Variants in NEK10 observed in about 807,000 individuals in gnomAD.
NEK10 encodes the protein NIMA related kinase 10.
NEK10 carries 122 observed loss-of-function variants against 159.8 expected under a neutral mutation model. The observed-to-expected ratio is 0.76, with a 90% CI of 0.66 to 0.89. The LOEUF is 0.89. Ranked by LOEUF, NEK10 falls within the 40% of genes least tolerant of loss-of-function variation. The pLI is 0.00. For synonymous variants in NEK10, 466 were observed against 457.1 expected, an observed-to-expected ratio of 1.02 and a Z score of -0.25; for missense variants, 1,342 against 1,323.1, an observed-to-expected ratio of 1.01 and a Z score of -0.22.
chr3:27,177,527 A>G (rs2148897700), intron 26 of NEK10, among the ~76,000 whole-genome samples: 1 of 148,484 alleles, frequency 6.7e-6, no homozygotes, highest in Admixed American at 6.7e-5. Context: ...CCTGGGTGAC[A>G]GAGCAAGACT....
At chr3:27,260,540 T>C (rs2149346962) in intron 22 of NEK10, among the ~76,000 whole-genome samples, 1 of 152,352 alleles carries the variant, frequency 6.6e-6, no homozygotes, top group East Asian at 1.9e-4. Context: ...TTGCGTATGT[T>C]GAACCAGCCT....
At chr3:27,234,521 A>C (rs1337911010) in intron 23 of NEK10, among the ~76,000 whole-genome samples, 1 of 152,126 alleles carries the variant, frequency 6.6e-6, no homozygotes, top group African/African-American at 2.4e-5. Context: ...CAACTGCCAC[A>C]AAAAGAATAA....
rs1221057590 is a variant in NEK10, at chr3:27,109,454, A to G, written c.*1818T>C. 1.3e-5 allele frequency among the ~76,000 whole-genome samples: 2 copies of G among 151,718 alleles called. No homozygotes were observed. Among genetic ancestry groups the G allele is most frequent in the African/African-American group, 4.8e-5 (2 of 41,298 alleles). The stretch of plus-strand genomic sequence containing the variant: ...CTGGTCAATAAGGCCAACTATATAC[A>G]CTTTAAAACATCTTCAAGTAAACCA... On this transcript the variant is annotated 3_prime_UTR_variant, in exon 36 of 36. Coordinates refer to ENST00000691995, the MANE Select transcript of NEK10 (RefSeq NM_001394966.1).
chr3:27,226,110 C>A (rs566609343), intron 23 of NEK10, among the ~76,000 whole-genome samples: 4 of 152,018 alleles, frequency 2.6e-5, no homozygotes, highest in African/African-American at 9.7e-5. Flanking sequence ...TGGCTCACTG[C>A]AAGCTCTGCC....
At chr3:27,210,768 C>T (rs1332337341) in intron 23 of NEK10, among the ~76,000 whole-genome samples, 4 of 152,144 alleles carry the variant, frequency 2.6e-5, no homozygotes, top group African/African-American at 7.2e-5. Context: ...ATTATCAAAC[C>T]TTCAGAAGGG....
intron 30 of NEK10, among the ~76,000 whole-genome samples, chr3:27,150,558 C>G (rs1559517813): frequency 6.6e-6 from 1 of 152,162 alleles, no homozygotes; most frequent in Non-Finnish European, 1.5e-5. Context: ...TTTAAGCCAA[C>G]TCTTGAGATC....
At chr3:27,165,014 T>C (rs920413688) in intron 29 of NEK10, among the ~76,000 whole-genome samples, 11 of 152,240 alleles carry the variant, frequency 7.2e-5, no homozygotes, top group Non-Finnish European at 1.2e-4. Context: ...TTCCTTTATA[T>C]AATTTTAAAT....
intron 23 of NEK10, among the ~76,000 whole-genome samples, chr3:27,228,897 T>TA (rs1952923962): frequency 6.6e-6 from 1 of 152,036 alleles, no homozygotes; most frequent in Non-Finnish European, 1.5e-5. Context: ...TTCTCCCTGA[T>TA]AAAAACCTCA....
At chr3:27,280,095 GAAAA>G (rs1203824501) in intron 22 of NEK10, among the ~76,000 whole-genome samples, 14 of 69,466 alleles carry the variant, frequency 2.0e-4, no homozygotes, top group Non-Finnish European at 3.6e-4. Context: ...CCCTAAAATG[GAAAA>G]AAAAAAAAAA....
At chr3:27,169,254 G>C (rs749115208) in intron 29 of NEK10, among the ~76,000 whole-genome samples, 2 of 152,176 alleles carry the variant, frequency 1.3e-5, no homozygotes, top group Non-Finnish European at 2.9e-5. Flanking sequence ...AGTAAGTGAG[G>C]AATGAGGAAT....
chr3:27,143,842 G>A lies in NEK10; in HGVS notation c.2870-2260C>T, dbSNP rs141419026. On this transcript the variant is annotated intron_variant, in intron 30 of 35. Transcript: ENST00000691995. Reference sequence around the variant, plus strand: ...TCTCTATCCATTTACATACATAAATGTACACTTCAAAACAGTGTTTTTCAA... The same window carrying A: ...TCTCTATCCATTTACATACATAAATATACACTTCAAAACAGTGTTTTTCAA... 2.8e-3 allele frequency among the ~76,000 whole-genome samples: 421 copies of A among 152,188 alleles called. 4 individuals carry two copies. Among genetic ancestry groups the A allele is most frequent in the African/African-American group, 9.9e-3 (409 of 41,512 alleles).
At position 27,322,209 on chromosome 3, in the gene NEK10, G is replaced by C. The variant is rs1404580794; in HGVS notation, c.415C>G (p.Leu139Val). The C allele has an allele frequency of 6.4e-7, 1 of 1,567,212 alleles. No individual in the cohort carries two copies. Among genetic ancestry groups the C allele is most frequent in the African/African-American group, 1.4e-5 (1 of 73,880 alleles). Residue 139 changes from leucine (L) to valine (V), a missense_variant, in exon 6 of 36, where the codon CTG (leucine) becomes GTG (valine). By Grantham distance (32) the Leu-to-Val change is conservative. Coordinates refer to ENST00000691995, the MANE Select transcript of NEK10 (RefSeq NM_001394966.1). Reference sequence around the variant, plus strand: ...CATGGATCCCTCATTAGTAGCCTCAGACAGATTAACACTCTCAGAAAATGA... The same window carrying C: ...CATGGATCCCTCATTAGTAGCCTCACACAGATTAACACTCTCAGAAAATGA... The part of the protein sequence containing the change: ...SIHFLRVLIC[L>V]RLLMRDPCYQ...
At chr3:27,336,149 A>G (rs1260464797) in intron 5 of NEK10, among the ~76,000 whole-genome samples, 2 of 152,166 alleles carry the variant, frequency 1.3e-5, no homozygotes, top group Admixed American at 1.3e-4. Context: ...GACCAAAATC[A>G]GAAATGGAAA....
At chr3:27,142,504 C>CT (rs1387650141) in intron 30 of NEK10, among the ~76,000 whole-genome samples, 3 of 150,622 alleles carry the variant, frequency 2.0e-5, no homozygotes, top group Non-Finnish European at 4.4e-5. Context: ...TGCTAATTTC[C>CT]TTTTAAAAAA....
At chr3:27,129,936 A>G (rs1231674017) in intron 32 of NEK10, among the ~76,000 whole-genome samples, 2 of 152,028 alleles carry the variant, frequency 1.3e-5, no homozygotes, top group African/African-American at 4.8e-5. Flanking sequence ...GTGGTAAAGA[A>G]TAGGAAGTGT....
chr3:27,137,447 G>GT (rs1943337401), intron 31 of NEK10, among the ~76,000 whole-genome samples: 1 of 152,152 alleles, frequency 6.6e-6, no homozygotes, highest in East Asian at 1.9e-4. Context: ...CAATTGAATA[G>GT]TTAATAGTTA....
At chr3:27,363,241 G>A (rs1423386949) in intron 1 of NEK10, among the ~76,000 whole-genome samples, 1 of 152,168 alleles carries the variant, frequency 6.6e-6, no homozygotes, top group Non-Finnish European at 1.5e-5. Context: ...CTCCTAGACA[G>A]GGTCACAACC....
chr3:27,310,167 T>G (rs138482567), intron 9 of NEK10: 1 of 152,204 alleles, frequency 6.6e-6, no homozygotes, highest in African/African-American at 2.4e-5. Flanking sequence ...TTCCTCTTTT[T>G]CTTCTCTCTT....
rs1939317909 is a variant in NEK10, at chr3:27,109,557, G to T, written c.*1715C>A. ...CTGTTTACTATATACTACCATTTGG[G>T]AAATAACTTGATTTCAAACTCTCAC... is the stretch of plus-strand genomic sequence containing the variant. On this transcript the variant is annotated 3_prime_UTR_variant, in exon 36 of 36. Transcript: ENST00000691995. Among the ~76,000 whole-genome samples, 1 of 151,992 alleles carries T rather than the reference G, an allele frequency of 6.6e-6. No homozygotes were observed. The highest frequency in any genetic ancestry group is 6.6e-5 in the Admixed American group (1 of 15,252).
Sources: allele counts gnomAD v4.1 joint callset (sites outside exome capture counted in the v4.1 genomes callset), GRCh38; gene constraint gnomAD v4.1.1; transcripts MANE v1.5; gene names NCBI Gene and HGNC (gene_info 2026-07-23, HGNC 2026-07-21).